TSPEAR: variants seen among roughly 807,000 people sequenced by gnomAD.
The protein encoded by TSPEAR is thrombospondin type laminin G domain and EAR repeats, also known as thrombospondin-type laminin G domain and EAR repeat-containing protein.
In TSPEAR, 69 loss-of-function variants were observed where a neutral mutation model predicts 71.6. The ratio of observed to expected loss-of-function variants is 0.96; its 90% CI spans 0.79 to 1.18. The LOEUF is 1.18. Ranked by LOEUF, TSPEAR falls within the 50% of genes most tolerant of loss-of-function variation. TSPEAR has a pLI of 0.00. For missense variants in TSPEAR, 971 were observed against 894.9 expected (o/e 1.09, Z -1.09); for synonymous variants, 402 against 387.2 (o/e 1.04, Z -0.45).
intron 1 of TSPEAR, among the ~76,000 whole-genome samples, chr21:44,643,126 GCA>G (rs1282674316): frequency 1.3e-5 from 2 of 152,210 alleles, no homozygotes; most frequent in Non-Finnish European, 2.9e-5. Flanking sequence ...GGATGAACCT[GCA>G]CACACTATGC....
At chr21:44,653,949 G>C (rs1555941947) in intron 1 of TSPEAR, among the ~76,000 whole-genome samples, 4 of 152,228 alleles carry the variant, frequency 2.6e-5, no homozygotes, top group Non-Finnish European at 2.9e-5. Flanking sequence ...CCTGAGGAAG[G>C]AGTGTGGGAA....
chr21:44,526,448 AG>A (rs151326667), intron 7 of TSPEAR, among the ~76,000 whole-genome samples: 5,549 of 151,816 alleles, frequency 0.037, 350 homozygotes, highest in African/African-American at 0.12. Flanking sequence ...TTTGATGCAA[AG>A]TTTTTTTTAT....
intron 2 of TSPEAR, among the ~76,000 whole-genome samples, chr21:44,555,331 C>T (rs1387257236): frequency 1.3e-5 from 2 of 152,190 alleles, no homozygotes; most frequent in East Asian, 3.9e-4. Flanking sequence ...TCTCCCAGGT[C>T]CGACGGCTGC....
intron 9 of TSPEAR, chr21:44,515,835 GTCATT>G (rs1281630366): frequency 1.3e-5 from 2 of 152,246 alleles, no homozygotes; most frequent in Non-Finnish European, 2.9e-5. Context: ...CAGTCCCGAC[GTCATT>G]TCATGAAGAG....
intron 1 of TSPEAR, among the ~76,000 whole-genome samples, chr21:44,648,920 C>T (rs1419998133): frequency 6.6e-6 from 1 of 152,218 alleles, no homozygotes; most frequent in Non-Finnish European, 1.5e-5. Context: ...GCTGCAGTGG[C>T]GGGGTCCCCT....
At chr21:44,530,330 A>C (rs1601371354) in intron 4 of TSPEAR, among the ~76,000 whole-genome samples, 1 of 150,872 alleles carries the variant, frequency 6.6e-6, no homozygotes, top group East Asian at 2.0e-4. Context: ...CCCTCCACCT[A>C]CCCATCCATT....
At position 44,647,652 on chromosome 21, in the gene TSPEAR, A is replaced by T. The variant is rs975381217; in HGVS notation, c.82+63781T>A. ...TCAATAAATTCTTGAGTCAGGAAAT[A>T]CGGGCTGGTGTGCACTTTCTGCTCT... On this transcript the variant is annotated intron_variant, in intron 1 of 11. Transcript: ENST00000323084. 1.1e-4 allele frequency: 48 copies of T among 444,646 alleles called. No individual in the cohort carries two copies. In the Admixed American group the frequency reaches 1.7e-3, roughly 16 times the overall value. The allele number at this position is 444,646 out of a possible 1,614,324, so 27.5% of individuals were successfully genotyped here.
chr21:44,595,933 C>G (rs922054189), intron 1 of TSPEAR, among the ~76,000 whole-genome samples: 1 of 152,162 alleles, frequency 6.6e-6, no homozygotes. Flanking sequence ...TCTGTGTGTT[C>G]ATTTTCTATT....
intron 2 of TSPEAR, among the ~76,000 whole-genome samples, chr21:44,535,966 G>A (rs1021667280): frequency 3.8e-4 from 58 of 151,352 alleles, no homozygotes; most frequent in Non-Finnish European, 1.5e-4. Context: ...TCCATTGGAA[G>A]TGGACTTTCT....
At chr21:44,641,356 C>T (rs1220356138) in intron 1 of TSPEAR, among the ~76,000 whole-genome samples, 1 of 152,170 alleles carries the variant, frequency 6.6e-6, no homozygotes, top group Non-Finnish European at 1.5e-5. Flanking sequence ...GCATGACACT[C>T]TCAACACAGA....
chr21:44,702,314 C>G, intron 1 of TSPEAR: 1 of 1,609,990 alleles, frequency 6.2e-7, no homozygotes, highest in Non-Finnish European at 8.5e-7. Flanking sequence ...TGTGCCCCGG[C>G]CCCCTGCCTG....
chr21:44,601,601 C>T, intron 1 of TSPEAR: 1 of 1,613,640 alleles, frequency 6.2e-7, no homozygotes, highest in South Asian at 1.1e-5. Flanking sequence ...CCCGTCCCCT[C>T]CTGCTGCGCC....
At chr21:44,539,451 G>A (rs1601386400) in intron 2 of TSPEAR, 2 of 1,612,850 alleles carry the variant, frequency 1.2e-6, no homozygotes, top group Non-Finnish European at 1.7e-6. Context: ...CGGCAGAGGA[G>A]GGACACGGAG....
At chr21:44,616,671 C>T (rs1007603843) in intron 1 of TSPEAR, among the ~76,000 whole-genome samples, 1 of 152,216 alleles carries the variant, frequency 6.6e-6, no homozygotes, top group African/African-American at 2.4e-5. Context: ...GCACCCAATT[C>T]GAGAGCTCTG....
At chr21:44,512,223 A>C in intron 9 of TSPEAR, among the ~76,000 whole-genome samples, 2 of 152,042 alleles carry the variant, frequency 1.3e-5, no homozygotes, top group South Asian at 2.1e-4. Context: ...GGCAAAGGTC[A>C]CTGGGGAGCC....
chr21:44,710,426 CCCCCA>C lies in TSPEAR; in HGVS notation c.82+1002_82+1006del, dbSNP rs202122283. On this transcript the variant is annotated intron_variant, in intron 1 of 11. Transcript: ENST00000323084. The surrounding 1 kb of genome is among the most constrained non-coding windows in gnomAD (Gnocchi z 4.6). ...GGCACGTTTATGACCCCCACCCCCA[CCCCCA>C]CCCCCCACGCGAGTCAGCACGTTCC... is the stretch of plus-strand genomic sequence containing the variant. Among the ~76,000 whole-genome samples, 1 of 151,608 alleles carries C rather than the reference CCCCCA, an allele frequency of 6.6e-6. No individual in the cohort carries two copies. Among genetic ancestry groups the C allele is most frequent in the African/African-American group, 2.4e-5 (1 of 41,270 alleles).
At chr21:44,548,486 G>A (rs2053340725) in intron 2 of TSPEAR, among the ~76,000 whole-genome samples, 1 of 152,204 alleles carries the variant, frequency 6.6e-6, no homozygotes, top group Admixed American at 6.5e-5. Flanking sequence ...AGGTCTTGGG[G>A]AAGTGATGGC....
At chr21:44,510,143 C>T (rs2052326755) in intron 9 of TSPEAR, among the ~76,000 whole-genome samples, 1 of 152,216 alleles carries the variant, frequency 6.6e-6, no homozygotes, top group South Asian at 2.1e-4. Flanking sequence ...GGACTGTCTG[C>T]ATGTGGGGTC....
chr21:44,664,568 T>C, intron 1 of TSPEAR, among the ~76,000 whole-genome samples: 1 of 152,136 alleles, frequency 6.6e-6, no homozygotes, highest in East Asian at 1.9e-4. Context: ...TATTCAAATA[T>C]CTATATGGAA....
Sources: gnomAD v4.1 joint callset for allele counts (sites outside exome capture counted in the v4.1 genomes callset) on GRCh38, gnomAD v4.1.1 for gene constraint, Gnocchi (gnomAD v3.1) non-coding constraint, MANE v1.5 for transcripts, NCBI Gene and HGNC (gene_info 2026-07-23, HGNC 2026-07-21) for gene names.